The following ANK3 variants were observed in gnomAD, a reference collection of about 807,000 sequenced individuals.
ANK3 encodes the protein ankyrin-3.
ANK3 carries 57 observed loss-of-function variants against 370.9 expected under a neutral mutation model. The ratio of observed to expected loss-of-function variants is 0.15; its 90% confidence interval spans 0.12 to 0.19. The LOEUF (loss-of-function observed/expected upper bound fraction) is 0.19, where lower values mean the gene tolerates loss of function less well. Among genes scored for constraint, ANK3 ranks in the 10% least tolerant of loss-of-function variants. The pLI is 1.00. For missense variants in ANK3, 4,439 were observed against 5,302.1 expected, an observed-to-expected ratio of 0.84 and a Z score of 5.06; for synonymous variants, 1,929 against 1,946.3, an observed-to-expected ratio of 0.99 and a Z score of 0.23.
At chr10:60,488,128 G>T (rs879530939) in intron 2 of ANK3, among the ~76,000 whole-genome samples, 2 of 152,076 alleles carry the variant, frequency 1.3e-5, no homozygotes, top group Admixed American at 6.6e-5. Flanking sequence ...GTGTACAGAG[G>T]GTAGAGAAGC....
At chr10:60,169,518 T>C (rs955622489) in intron 21 of ANK3, among the ~76,000 whole-genome samples, 4 of 152,140 alleles carry the variant, frequency 2.6e-5, no homozygotes, top group Admixed American at 6.5e-5. Context: ...ATCATATGTC[T>C]GAAGCAGTAT....
chr10:60,290,096 T>C (rs915218763), intron 1 of ANK3, among the ~76,000 whole-genome samples: 11 of 152,186 alleles, frequency 7.2e-5, no homozygotes, highest in African/African-American at 2.7e-4. Flanking sequence ...TTTATAGATA[T>C]CTTGCACAGT....
chr10:60,596,550 G>A (rs2077990339), intron 2 of ANK3, among the ~76,000 whole-genome samples: 1 of 152,076 alleles, frequency 6.6e-6, no homozygotes, highest in African/African-American at 2.4e-5. Context: ...AACCTGATAG[G>A]ATTTTAGAAT....
intron 2 of ANK3, among the ~76,000 whole-genome samples, chr10:60,606,287 G>C (rs1024573592): frequency 6.6e-6 from 1 of 151,884 alleles, no homozygotes; most frequent in African/African-American, 2.4e-5. Context: ...TTGGAACACA[G>C]TTAACAGTAC....
In ANK3 at chr10:60,068,451, G is replaced by A. The variant is rs562999353; in HGVS notation, c.12244+186C>T. Reference sequence around the variant, plus strand: ...GTGTAGTTTGATCAAAAGGCAGAAAGAAGAGTATATACGACAGCACATACA... The same window carrying A: ...GTGTAGTTTGATCAAAAGGCAGAAAAAAGAGTATATACGACAGCACATACA... On this transcript the variant is annotated intron_variant, in intron 37 of 43. Transcript: ENST00000280772. 1.1e-4 allele frequency among the ~76,000 whole-genome samples: 17 copies of A among 152,290 alleles called. No individual in the cohort carries two copies. The South Asian group carries it at 3.3e-3, about 30-fold the overall frequency.
At chr10:60,187,596 CAACA>C (rs919971896) in intron 16 of ANK3, among the ~76,000 whole-genome samples, 8 of 152,120 alleles carry the variant, frequency 5.3e-5, no homozygotes, top group Admixed American at 6.5e-5. Flanking sequence ...GAGGAAGAAG[CAACA>C]AACAATCAGT....
intron 2 of ANK3, among the ~76,000 whole-genome samples, chr10:60,486,328 C>T (rs543192348): frequency 3.3e-5 from 5 of 152,318 alleles, no homozygotes; most frequent in African/African-American, 1.2e-4. Context: ...CCTGTAATCC[C>T]AGCACTTTGG....
At chr10:60,200,272 G>C (rs770463554) in intron 12 of ANK3, 45 bp from the exon 13 acceptor site, 1 of 1,456,162 alleles carries the variant, frequency 6.9e-7, no homozygotes. Context: ...CTCTGAAGAA[G>C]AGTAGTGTAT....
At chr10:60,125,191 A>T (rs1187609896) in intron 25 of ANK3, among the ~76,000 whole-genome samples, 1 of 152,214 alleles carries the variant, frequency 6.6e-6, no homozygotes, top group Non-Finnish European at 1.5e-5. Context: ...TCTTGAAGTC[A>T]ACTATTATTA....
intron 43 of ANK3, among the ~76,000 whole-genome samples, chr10:60,031,211 A>G (rs1331997113): frequency 5.3e-5 from 8 of 152,216 alleles, no homozygotes; most frequent in Non-Finnish European, 1.0e-4. Context: ...AAAATTAGAG[A>G]CAAACTTCTA....
chr10:60,236,015 T>TA (rs2097327278), intron 7 of ANK3, among the ~76,000 whole-genome samples: 1 of 152,308 alleles, frequency 6.6e-6, no homozygotes, highest in South Asian at 2.1e-4. Flanking sequence ...TGCATGATTT[T>TA]AAAAAACACA....
intron 1 of ANK3, among the ~76,000 whole-genome samples, chr10:60,637,427 T>C (rs570519184): frequency 6.6e-6 from 1 of 152,336 alleles, no homozygotes; most frequent in South Asian, 2.1e-4. Context: ...AGTACTTTCA[T>C]ACAATGCCAA....
intron 1 of ANK3, among the ~76,000 whole-genome samples, chr10:60,334,455 T>C (rs2052289582): frequency 6.6e-6 from 1 of 152,140 alleles, no homozygotes; most frequent in South Asian, 2.1e-4. Context: ...CTTTATTACA[T>C]ATCTGCCAGT....
chr10:60,288,198 C>T (rs1566283382), intron 1 of ANK3, among the ~76,000 whole-genome samples: 1 of 152,126 alleles, frequency 6.6e-6, no homozygotes, highest in Non-Finnish European at 1.5e-5. Context: ...CCCTCCCCGA[C>T]CAACAGACGC....
intron 2 of ANK3, among the ~76,000 whole-genome samples, chr10:60,478,130 A>G (rs1246930706): frequency 6.6e-6 from 1 of 152,094 alleles, no homozygotes; most frequent in African/African-American, 2.4e-5. Context: ...CTTTCCTGAT[A>G]TAACATTTAT....
chr10:60,174,944 T>C (rs1030603096), intron 18 of ANK3, among the ~76,000 whole-genome samples: 11 of 152,162 alleles, frequency 7.2e-5, no homozygotes, highest in African/African-American at 2.7e-4. Flanking sequence ...GGTCTCAAAC[T>C]CCTGGGCTCA....
At position 60,360,696 on chromosome 10, in the gene ANK3, C is replaced by CA. The variant is rs35721606; in HGVS notation, c.114+28728dup. Among the ~76,000 whole-genome samples the CA allele has an allele frequency of 3.0e-3, 433 of 146,524 alleles. 2 individuals are homozygous for CA. Among genetic ancestry groups the CA allele is most frequent in the Non-Finnish European group, 5.2e-3 (343 of 66,322 alleles). On this transcript the variant is annotated intron_variant, in intron 1 of 43. Transcript: ENST00000280772. ...GCCTGGGTGACAGTGAGACCAGTGTCAAAAAAAAAAGTACTGTCTAAAATA... is the reference window on the plus strand; with the variant it reads ...GCCTGGGTGACAGTGAGACCAGTGTCAAAAAAAAAAAGTACTGTCTAAAATA...
intron 1 of ANK3, among the ~76,000 whole-genome samples, chr10:60,639,576 G>T (rs1344798445): frequency 6.6e-6 from 1 of 151,720 alleles, no homozygotes; most frequent in East Asian, 1.9e-4. Context: ...ATAAAACAAT[G>T]AGATGAACAA....
In ANK3 at chr10:60,069,976, A is replaced by C. The variant is rs750068931; in HGVS notation, c.10905T>G (p.Gly3635=). 1 of 1,613,998 alleles carries C rather than the reference A, an allele frequency of 6.2e-7. No individual in the cohort carries two copies. Among genetic ancestry groups the C allele is most frequent in the Non-Finnish European group, 8.5e-7 (1 of 1,179,976 alleles). The change falls in exon 37 of 44, where the codon GGT becomes GGG. Residue 3635 remains glycine (G), a synonymous_variant. Coordinates refer to ENST00000280772, the MANE Select transcript of ANK3 (RefSeq NM_020987.5). ...VEERLQFFQI[G]EHTSEGKSGD... ...CTGACTTCCCTTCAGAAGTATGCTC[A>C]CCAATCTGGAAAAATTGGAGCCTCT...
Sources: gnomAD v4.1 joint callset for allele counts (sites outside exome capture counted in the v4.1 genomes callset) on GRCh38, gnomAD v4.1.1 for gene constraint, MANE v1.5 for transcripts, NCBI Gene and HGNC (gene_info 2026-07-23, HGNC 2026-07-21) for gene names.